EYS: variants seen among roughly 807,000 people sequenced by gnomAD.
The protein encoded by EYS is EGF-like photoreceptor maintenance factor, also known as protein eyes shut homolog.
Under a neutral mutation model 282.1 loss-of-function variants are expected in EYS, and 250 were observed. The ratio of observed to expected loss-of-function variants is 0.89; its 90% CI spans 0.80 to 0.98. The LOEUF (loss-of-function observed/expected upper bound fraction) is 0.98, where lower values mean the gene tolerates loss of function less well. Among genes scored for constraint, EYS ranks in the 50% least tolerant of loss-of-function variants. EYS has a pLI of 0.00. For missense variants in EYS, 4,016 were observed against 3,709.0 expected, an observed-to-expected ratio of 1.08 and a Z score of -2.15; for synonymous variants, 1,355 against 1,282.9, an observed-to-expected ratio of 1.06 and a Z score of -1.20.
chr6:65,319,403 T>C (rs1242858915), intron 11 of EYS, among the ~76,000 whole-genome samples: 1 of 151,088 alleles, frequency 6.6e-6, no homozygotes, highest in African/African-American at 2.4e-5. Flanking sequence ...TATATATATA[T>C]TTTTAATTAA....
intron 22 of EYS, among the ~76,000 whole-genome samples, chr6:64,741,676 G>C (rs565726137): frequency 6.6e-6 from 1 of 152,286 alleles, no homozygotes; most frequent in South Asian, 2.1e-4. Flanking sequence ...ATCAGCACTT[G>C]CTCCTTCACC....
At chr6:64,525,897 G>T (rs990529090) in intron 26 of EYS, among the ~76,000 whole-genome samples, 1 of 151,632 alleles carries the variant, frequency 6.6e-6, no homozygotes, top group Non-Finnish European at 1.5e-5. Context: ...GAAAATTTGT[G>T]TTCACACAAC....
At chr6:64,806,054 G>T (rs1167745754) in intron 22 of EYS, among the ~76,000 whole-genome samples, 1 of 151,416 alleles carries the variant, frequency 6.6e-6, no homozygotes, top group African/African-American at 2.4e-5. Flanking sequence ...TTACTAATAA[G>T]AATACATTAA....
At chr6:64,297,783 G>T (rs975856503) in intron 30 of EYS, among the ~76,000 whole-genome samples, 2 of 151,988 alleles carry the variant, frequency 1.3e-5, no homozygotes, top group Non-Finnish European at 2.9e-5. Flanking sequence ...CTTGAGACTA[G>T]CCTGGCCAAC....
intron 26 of EYS, among the ~76,000 whole-genome samples, chr6:64,540,802 C>T (rs1294703393): frequency 5.9e-5 from 9 of 152,096 alleles, no homozygotes; most frequent in Non-Finnish European, 8.8e-5. Context: ...CTTCTAATAC[C>T]TAATTGAAGT....
chr6:63,748,000 G>A (rs948390084), intron 41 of EYS, among the ~76,000 whole-genome samples: 3 of 152,190 alleles, frequency 2.0e-5, no homozygotes, highest in African/African-American at 7.2e-5. Context: ...TATGATGCTA[G>A]CTGGTTATTT....
rs796327019 is a variant in EYS, at chr6:64,686,795, A to G, written c.3444-60550T>C. Among the ~76,000 whole-genome samples, 7 of 58,642 alleles carry G rather than the reference A, an allele frequency of 1.2e-4. 1 individual carries two copies. The highest frequency in any genetic ancestry group is 2.1e-4 in the African/African-American group (4 of 19,112). 38.5% of individuals were successfully genotyped at this position (58,642 alleles called of 152,430 possible). A position where few individuals can be genotyped will look rare whatever the true frequency, so the allele number is the denominator to read the frequency against. On this transcript the variant is annotated intron_variant, in intron 22 of 42. Transcript: ENST00000503581. ...TATATATATATATATATATGTGTGTATATATATATGTGTGTATATATATAT... is the reference window on the plus strand; with the variant it reads ...TATATATATATATATATATGTGTGTGTATATATATGTGTGTATATATATAT...
At chr6:64,107,837 T>G (rs1051147467) in intron 31 of EYS, among the ~76,000 whole-genome samples, 1 of 151,994 alleles carries the variant, frequency 6.6e-6, no homozygotes, top group Non-Finnish European at 1.5e-5. Context: ...ATAGCTATGA[T>G]TAGGCCTCAA....
At chr6:64,234,590 ATTAT>A (rs1412366175) in intron 30 of EYS, among the ~76,000 whole-genome samples, 6 of 152,174 alleles carry the variant, frequency 3.9e-5, no homozygotes, top group African/African-American at 9.7e-5. Flanking sequence ...TTTAAACAGC[ATTAT>A]TTAATATTTT....
At chr6:64,985,608 A>C (rs1770833483) in intron 14 of EYS, among the ~76,000 whole-genome samples, 1 of 151,406 alleles carries the variant, frequency 6.6e-6, no homozygotes, top group Non-Finnish European at 1.5e-5. Context: ...ACAGTCATAT[A>C]GTGACTGAAA....
At chr6:64,464,391 A>G (rs1352454504) in intron 26 of EYS, among the ~76,000 whole-genome samples, 2 of 152,164 alleles carry the variant, frequency 1.3e-5, no homozygotes, top group African/African-American at 4.8e-5. Context: ...TTAGATCAGG[A>G]ACAAGACTAG....
At chr6:65,048,952 TC>T (rs1311273261) in intron 13 of EYS, among the ~76,000 whole-genome samples, 2 of 151,854 alleles carry the variant, frequency 1.3e-5, no homozygotes, top group African/African-American at 4.8e-5. Flanking sequence ...GTTAATTTTT[TC>T]TTTCCAGTGT....
chr6:63,864,154 G>T (rs1236905801), intron 36 of EYS, 32 bp downstream of exon 36: 8 of 1,432,632 alleles, frequency 5.6e-6, no homozygotes, highest in Non-Finnish European at 7.4e-6. Flanking sequence ...CTTTCTGTCT[G>T]TGCTCCATGT....
chr6:64,497,754 A>G (rs1374841846), intron 26 of EYS, among the ~76,000 whole-genome samples: 1 of 152,124 alleles, frequency 6.6e-6, no homozygotes, highest in East Asian at 1.9e-4. Context: ...TGTGGATATA[A>G]AAGAGTGATT....
chr6:64,019,205 C>T lies in EYS; in HGVS notation c.6726-20022G>A, dbSNP rs145396102. 9.5e-3 allele frequency among the ~76,000 whole-genome samples: 1,447 copies of T among 152,172 alleles called. 27 individuals are homozygous for T. The highest frequency in any genetic ancestry group is 0.032 in the African/African-American group (1,341 of 41,548). ...GCCAAGGAACACCAAGGAATGCCCT[C>T]AGTTGGCAGACGCTGGAAGAGGCAG... On this transcript the variant is annotated intron_variant, in intron 33 of 42. Transcript: ENST00000503581.
chr6:64,939,426 C>T (rs1427114846), intron 15 of EYS, among the ~76,000 whole-genome samples: 1 of 151,812 alleles, frequency 6.6e-6, no homozygotes, highest in South Asian at 2.1e-4. Context: ...TAAGCCATGT[C>T]AGGGTTATCT....
At chr6:64,041,009 A>G (rs1770364025) in intron 33 of EYS, among the ~76,000 whole-genome samples, 1 of 152,206 alleles carries the variant, frequency 6.6e-6, no homozygotes, top group African/African-American at 2.4e-5. Context: ...ACTCAAGAGA[A>G]GGTATTCAGT....
intron 24 of EYS, among the ~76,000 whole-genome samples, chr6:64,615,757 T>C (rs1767254150): frequency 6.6e-6 from 1 of 152,108 alleles, no homozygotes; most frequent in African/African-American, 2.4e-5. Context: ...TATGACAAGT[T>C]TTTAAATTTT....
chr6:65,612,665 G>A (rs530160423), intron 2 of EYS, among the ~76,000 whole-genome samples: 5 of 151,512 alleles, frequency 3.3e-5, no homozygotes, highest in African/African-American at 1.2e-4. Flanking sequence ...GTGGATATTG[G>A]TATTACATAA....
Sources: gnomAD v4.1 joint callset for allele counts (sites outside exome capture counted in the v4.1 genomes callset) on GRCh38, gnomAD v4.1.1 for gene constraint, MANE v1.5 for transcripts, NCBI Gene and HGNC (gene_info 2026-07-23, HGNC 2026-07-21) for gene names.